The following FEN1 variants were observed in gnomAD, a reference collection of about 807,000 sequenced individuals.
FEN1 encodes the protein flap structure-specific endonuclease 1, also known as flap endonuclease 1.
In FEN1, 19 loss-of-function variants were observed where a neutral mutation model predicts 24.7. The ratio of observed to expected loss-of-function variants is 0.77; its 90% confidence interval spans 0.54 to 1.13. The LOEUF (loss-of-function observed/expected upper bound fraction) is 1.13. FEN1 is among the 50% of genes most tolerant of loss of function. The probability of loss-of-function intolerance (pLI) is 0.00; values close to 1 mark genes in which losing one functional copy is unlikely to be tolerated. For synonymous variants in FEN1, 155 were observed against 189.2 expected, an observed-to-expected ratio of 0.82 and a Z score of 1.48; for missense variants, 339 against 488.7, an observed-to-expected ratio of 0.69 and a Z score of 2.89.
intron 1 of FEN1, among the ~76,000 whole-genome samples, chr11:61,794,562 T>C (rs1190912510): frequency 2.0e-5 from 3 of 152,188 alleles, no homozygotes; most frequent in African/African-American, 7.2e-5. Context: ...CGGGTTTTAG[T>C]TGGAAGTAGC....
At position 61,797,164 on chromosome 11, in the gene FEN1, A is replaced by G. The variant is rs1316461857; in HGVS notation, c.*660A>G. 1.8e-5 allele frequency: 3 copies of G among 167,268 alleles called. No homozygotes were observed. The highest frequency in any genetic ancestry group is 4.4e-5 in the Non-Finnish European group (3 of 68,142). The allele number at this position is 167,268 out of a possible 1,614,324, so 10.4% of individuals were successfully genotyped here. A position where few individuals can be genotyped will look rare whatever the true frequency, so the allele number is the denominator to read the frequency against. On this transcript the variant is annotated 3_prime_UTR_variant, in exon 2 of 2. Transcript: ENST00000305885. ...CAATCAGCTGAGTTGAGACTTTGGA[A>G]TAAGACACTGGTTTTCATGCGCTGT...
At chr11:61,794,860 T>TA (rs1160853670) in intron 1 of FEN1, among the ~76,000 whole-genome samples, 3 of 152,228 alleles carry the variant, frequency 2.0e-5, no homozygotes, top group Non-Finnish European at 4.4e-5. Context: ...TCCATTCAGA[T>TA]ATGTTTGCAA....
chr11:61,793,595 C>T (rs1175175655), intron 1 of FEN1, among the ~76,000 whole-genome samples: 1 of 152,142 alleles, frequency 6.6e-6, no homozygotes, highest in African/African-American at 2.4e-5. Flanking sequence ...GAGCTTTTGC[C>T]GCTGCAGTTC....
At chr11:61,794,038 G>A (rs2066806208) in intron 1 of FEN1, among the ~76,000 whole-genome samples, 1 of 152,144 alleles carries the variant, frequency 6.6e-6, no homozygotes, top group African/African-American at 2.4e-5. Flanking sequence ...ATAGCTCACT[G>A]TAGCCTGGAA....
In FEN1 at chr11:61,795,452, G is replaced by A; in HGVS notation, c.91G>A (p.Val31Met). 1 of 1,614,214 alleles carries A rather than the reference G, an allele frequency of 6.2e-7. No homozygotes were observed. The highest frequency in any genetic ancestry group is 8.5e-7 in the Non-Finnish European group (1 of 1,180,046). ...CATCAAGAGCTACTTTGGCCGTAAG[G>A]TGGCCATTGATGCCTCTATGAGCAT... ...NDIKSYFGRKVAIDASMSIYQ... is the reference protein window; with the variant it reads ...NDIKSYFGRKMAIDASMSIYQ... Residue 31 changes from valine to methionine, a missense_variant, in exon 2 of 2, where the codon GTG becomes ATG. Coordinates refer to ENST00000305885, the MANE Select transcript of FEN1 (RefSeq NM_004111.6). The surrounding 1 kb of genome is among the most constrained non-coding windows in gnomAD (Gnocchi z 4.1).
rs2066814674 is a variant in FEN1 at position 61,795,561 on chromosome 11, T to C, written c.200T>C (p.Met67Thr). 2 of 1,614,224 alleles carry C rather than the reference T, an allele frequency of 1.2e-6. No individual in the cohort carries two copies. Among genetic ancestry groups the C allele is most frequent in the Non-Finnish European group, 1.7e-6 (2 of 1,180,040 alleles). ...GAGACCACCAGCCACCTGATGGGCATGTTCTACCGCACCATTCGCATGATG... is the reference window on the plus strand; with the variant it reads ...GAGACCACCAGCCACCTGATGGGCACGTTCTACCGCACCATTCGCATGATG... ...EGETTSHLMG[M>T]FYRTIRMMEN... The change falls in exon 2 of 2, where the codon ATG (methionine) becomes ACG (threonine). Residue 67 changes from methionine (M) to threonine (T), a missense_variant. Coordinates refer to ENST00000305885, the MANE Select transcript of FEN1 (RefSeq NM_004111.6). This position sits in a 1 kb window ranked among gnomAD's most constrained non-coding sequence, Gnocchi z 4.1.
At position 61,792,932 on chromosome 11, in the gene FEN1, C is replaced by T. The variant is rs1315424088; in HGVS notation, c.-118C>T. On this transcript the variant is annotated 5_prime_UTR_variant, in exon 1 of 2. Transcript: ENST00000305885. ...AGGCGGCTGAACGTCAGGCCACCCG[C>T]CGCTAAGCTGAGAAGGGAGAGCGAG... 3 of 281,314 alleles carry T rather than the reference C, an allele frequency of 1.1e-5. No individual in the cohort carries two copies. The highest frequency in any genetic ancestry group is 1.4e-5 in the Non-Finnish European group (2 of 141,894). The allele number at this position is 281,314 out of a possible 1,614,324, so 17.4% of individuals were successfully genotyped here.
intron 1 of FEN1, among the ~76,000 whole-genome samples, chr11:61,794,655 A>G (rs1251261835): frequency 6.6e-6 from 1 of 152,222 alleles, no homozygotes; most frequent in Non-Finnish European, 1.5e-5. Context: ...GAGCCCAGTG[A>G]CTACAGCATG....
In FEN1 at chr11:61,796,198, T is replaced by C. The variant is rs762685692; in HGVS notation, c.837T>C (p.Ala279=). The change falls in exon 2 of 2, where the codon GCT becomes GCC. Residue 279 remains alanine (A), a synonymous_variant. Transcript: ENST00000305885. The stretch of plus-strand genomic sequence containing the variant: ...CAGAAAATTGGCTCCACAAGGAGGC[T>C]CACCAGCTCTTCTTGGAACCTGAGG... ...PVPENWLHKE[A]HQLFLEPEVL... 4 of 1,613,268 alleles carry C rather than the reference T, an allele frequency of 2.5e-6. No individual in the cohort carries two copies. Among genetic ancestry groups the C allele is most frequent in the Non-Finnish European group, 3.4e-6 (4 of 1,180,044 alleles).
chr11:61,793,243 A>G (rs1335288193), intron 1 of FEN1: 1 of 152,698 alleles, frequency 6.5e-6, no homozygotes, highest in African/African-American at 2.4e-5. Context: ...GTCGTGTTGT[A>G]TTTTTCCTAA....
rs561933742 is a variant in FEN1 at position 61,795,604 on chromosome 11, C to T, written c.243C>T (p.Pro81=). ...GCATGATGGAGAACGGCATCAAGCC[C>T]GTGTATGTCTTTGATGGCAAGCCGC... ...TIRMMENGIK[P]VYVFDGKPPQ... is the part of the protein sequence containing the mutation. Residue 81 remains proline, a synonymous_variant, in exon 2 of 2, where the codon CCC becomes CCT. Coordinates refer to ENST00000305885, the MANE Select transcript of FEN1 (RefSeq NM_004111.6). The surrounding 1 kb of genome is among the most constrained non-coding windows in gnomAD (Gnocchi z 4.1). 2.5e-5 allele frequency: 41 copies of T among 1,614,146 alleles called. No homozygotes were observed. Among genetic ancestry groups the T allele is most frequent in the African/African-American group, 1.7e-4 (13 of 75,046 alleles).
chr11:61,795,451 G>A lies in FEN1; in HGVS notation c.90G>A (p.Lys30=). 6.2e-7 allele frequency: 1 copy of A among 1,614,220 alleles called. No individual in the cohort carries two copies. Among genetic ancestry groups the A allele is most frequent in the Non-Finnish European group, 8.5e-7 (1 of 1,180,044 alleles). ...ENDIKSYFGR[K]VAIDASMSIY... Reference sequence around the variant, plus strand: ...ACATCAAGAGCTACTTTGGCCGTAAGGTGGCCATTGATGCCTCTATGAGCA... The same window carrying A: ...ACATCAAGAGCTACTTTGGCCGTAAAGTGGCCATTGATGCCTCTATGAGCA... Residue 30 remains lysine (K), a synonymous_variant, in exon 2 of 2, where the codon AAG becomes AAA. Coordinates refer to ENST00000305885, the MANE Select transcript of FEN1 (RefSeq NM_004111.6). The surrounding 1 kb of genome is among the most constrained non-coding windows in gnomAD (Gnocchi z 4.1).
At position 61,795,455 on chromosome 11, in the gene FEN1, G is replaced by T; in HGVS notation, c.94G>T (p.Ala32Ser). ...DIKSYFGRKV[A>S]IDASMSIYQF... Reference sequence around the variant, plus strand: ...CAAGAGCTACTTTGGCCGTAAGGTGGCCATTGATGCCTCTATGAGCATTTA... The same window carrying T: ...CAAGAGCTACTTTGGCCGTAAGGTGTCCATTGATGCCTCTATGAGCATTTA... The change falls in exon 2 of 2, where the codon GCC becomes TCC. Residue 32 changes from alanine to serine, a missense_variant. Physicochemically the swap from Ala to Ser is moderately conservative, Grantham distance 99. Transcript: ENST00000305885. The surrounding 1 kb of genome is among the most constrained non-coding windows in gnomAD (Gnocchi z 4.1). The T allele has an allele frequency of 6.2e-7, 1 of 1,614,216 alleles. No individual in the cohort carries two copies. The highest frequency in any genetic ancestry group is 8.5e-7 in the Non-Finnish European group (1 of 1,180,042).
chr11:61,796,223 G>T lies in FEN1; in HGVS notation c.862G>T (p.Val288Leu). Residue 288 changes from valine to leucine, a missense_variant, in exon 2 of 2, where the codon GTG (valine) becomes TTG (leucine). This residue lies in a region of FEN1 where 70 missense variants were observed against 64.9 expected (regional missense o/e 1.08). Coordinates refer to ENST00000305885, the MANE Select transcript of FEN1 (RefSeq NM_004111.6). ...EAHQLFLEPEVLDPESVELKW... is the reference protein window; with the variant it reads ...EAHQLFLEPELLDPESVELKW... ...TCACCAGCTCTTCTTGGAACCTGAG[G>T]TGCTGGACCCAGAGTCTGTGGAGCT... 6.2e-7 allele frequency: 1 copy of T among 1,612,920 alleles called. No homozygotes were observed.
rs1211604724 is a variant in FEN1, at chr11:61,795,042, T to C, written c.-21-299T>C. On this transcript the variant is annotated intron_variant, in intron 1 of 1. Coordinates refer to ENST00000305885, the MANE Select transcript of FEN1 (RefSeq NM_004111.6). This position sits in a 1 kb window ranked among gnomAD's most constrained non-coding sequence, Gnocchi z 4.1. The stretch of plus-strand genomic sequence containing the variant: ...TTCTGTGGTCCTTGATGGAGACCTA[T>C]GTTGCAGGTTTTTTTTGTGTAATAA... Among the ~76,000 whole-genome samples the C allele has an allele frequency of 6.6e-6, 1 of 152,208 alleles. No individual in the cohort carries two copies. Among genetic ancestry groups the C allele is most frequent in the Non-Finnish European group, 1.5e-5 (1 of 68,040 alleles).
In FEN1 at chr11:61,795,878, T is replaced by G. The variant is rs1444127309; in HGVS notation, c.517T>G (p.Tyr173Asp). ...CAALVKAGKV[Y>D]AAATEDMDCL... ...TGCCCTGGTGAAGGCTGGCAAAGTC[T>G]ATGCTGCGGCTACCGAGGACATGGA... is the stretch of plus-strand genomic sequence containing the variant. The change falls in exon 2 of 2, where the codon TAT becomes GAT. Residue 173 changes from tyrosine (Y) to aspartate (D), a missense_variant. Around this residue, in one of 3 missense-constraint regions of FEN1, gnomAD observed 216 missense variants for 329.7 expected, o/e 0.66. Coordinates refer to ENST00000305885, the MANE Select transcript of FEN1 (RefSeq NM_004111.6). The surrounding 1 kb of genome is among the most constrained non-coding windows in gnomAD (Gnocchi z 4.1). The G allele has an allele frequency of 1.2e-6, 2 of 1,614,018 alleles. No homozygotes were observed. Among genetic ancestry groups the G allele is most frequent in the Non-Finnish European group, 8.5e-7 (1 of 1,180,038 alleles).
chr11:61,796,207 C>A lies in FEN1; in HGVS notation c.846C>A (p.Leu282=). 6 of 1,613,172 alleles carry A rather than the reference C, an allele frequency of 3.7e-6. No individual in the cohort carries two copies. Among genetic ancestry groups the A allele is most frequent in the Non-Finnish European group, 5.1e-6 (6 of 1,180,028 alleles). ...ENWLHKEAHQ[L]FLEPEVLDPE... ...GGCTCCACAAGGAGGCTCACCAGCT[C>A]TTCTTGGAACCTGAGGTGCTGGACC... Residue 282 remains leucine, a synonymous_variant, in exon 2 of 2, where the codon CTC becomes CTA. Transcript: ENST00000305885.
chr11:61,796,531 A>AC lies in FEN1; in HGVS notation c.*31dup, dbSNP rs1467561330. On this transcript the variant is annotated 3_prime_UTR_variant, in exon 2 of 2. Transcript: ENST00000305885. Reference sequence around the variant, plus strand: ...TGTGTTTCCCCATTATACCTCCTTCACCCCAGAATATTTGCCGTCTTGTAC... The same window carrying AC: ...TGTGTTTCCCCATTATACCTCCTTCACCCCCAGAATATTTGCCGTCTTGTAC... The AC allele has an allele frequency of 6.4e-7, 1 of 1,560,266 alleles. No individual in the cohort carries two copies. Among genetic ancestry groups the AC allele is most frequent in the Non-Finnish European group, 8.7e-7 (1 of 1,153,818 alleles).
chr11:61,795,590 A>G lies in FEN1; in HGVS notation c.229A>G (p.Asn77Asp). 6.2e-7 allele frequency: 1 copy of G among 1,614,188 alleles called. No homozygotes were observed. The highest frequency in any genetic ancestry group is 1.1e-5 in the South Asian group (1 of 91,086). The part of the protein sequence containing the change: ...MFYRTIRMME[N>D]GIKPVYVFDG... ...CTACCGCACCATTCGCATGATGGAG[A>G]ACGGCATCAAGCCCGTGTATGTCTT... Residue 77 changes from asparagine (N) to aspartate (D), a missense_variant, in exon 2 of 2, where the codon AAC becomes GAC. Around this residue, in one of 3 missense-constraint regions of FEN1, gnomAD observed 216 missense variants for 329.7 expected, o/e 0.66. Transcript: ENST00000305885. The surrounding 1 kb of genome is among the most constrained non-coding windows in gnomAD (Gnocchi z 4.1).
Sources: gnomAD v4.1 joint callset for allele counts (sites outside exome capture counted in the v4.1 genomes callset) on GRCh38, gnomAD v4.1.1 for gene constraint, gnomAD v4.1.1 regional missense constraint, Gnocchi (gnomAD v3.1) non-coding constraint, MANE v1.5 for transcripts, NCBI Gene and HGNC (gene_info 2026-07-23, HGNC 2026-07-21) for gene names.